Variants in PCDHGA10 observed in about 807,000 individuals in gnomAD.
The protein encoded by PCDHGA10 is protocadherin gamma-A10.
A neutral mutation model predicts 59.5 loss-of-function variants in PCDHGA10; 42 were observed. The ratio of observed to expected loss-of-function variants is 0.71; its 90% confidence interval spans 0.55 to 0.91. The LOEUF is 0.91. PCDHGA10 is among the 40% of genes least tolerant of loss of function. PCDHGA10 has a pLI of 0.00. For missense variants in PCDHGA10, 1,111 were observed against 1,198.2 expected (o/e 0.93, Z 1.07); for synonymous variants, 511 against 517.2 (o/e 0.99, Z 0.16).
intron 1 of PCDHGA10, chr5:141,423,556 G>A (rs926962652): frequency 2.5e-6 from 4 of 1,613,550 alleles, no homozygotes; most frequent in African/African-American, 2.7e-5. Flanking sequence ...GCCCAACTAT[G>A]GGGACACGCT....
chr5:141,428,341 C>T, intron 1 of PCDHGA10: 1 of 602,086 alleles, frequency 1.7e-6, no homozygotes, highest in Non-Finnish European at 3.0e-6. Flanking sequence ...GCTCTTCTTC[C>T]TCGCAGTGAT....
intron 1 of PCDHGA10, among the ~76,000 whole-genome samples, chr5:141,438,633 T>C (rs1222106413): frequency 2.9e-5 from 1 of 34,046 alleles, no homozygotes; most frequent in Non-Finnish European, 5.1e-5. Context: ...TATATATATA[T>C]ATACACACAC....
chr5:141,494,194 G>A (rs1446357035), intron 1 of PCDHGA10, among the ~76,000 whole-genome samples: 2 of 152,182 alleles, frequency 1.3e-5, no homozygotes, highest in Non-Finnish European at 2.9e-5. Flanking sequence ...GGACTTGGAT[G>A]CCCCGCAAAG....
intron 2 of PCDHGA10, among the ~76,000 whole-genome samples, chr5:141,502,719 C>G (rs1242423173): frequency 1.3e-5 from 2 of 152,190 alleles, no homozygotes; most frequent in Non-Finnish European, 2.9e-5. Flanking sequence ...TCAGTGATTA[C>G]AAAGCGGTGA....
At chr5:141,427,570 C>A in intron 1 of PCDHGA10, 1 of 662,270 alleles carries the variant, frequency 1.5e-6, no homozygotes, top group Non-Finnish European at 2.8e-6. Flanking sequence ...GGCAAGCCTC[C>A]GCTCTCATCC....
At position 141,491,613 on chromosome 5, in the gene PCDHGA10, A is replaced by AC; in HGVS notation, c.2437-3190dup. On this transcript the variant is annotated intron_variant, in intron 1 of 3. Coordinates refer to ENST00000398610, the MANE Select transcript of PCDHGA10 (RefSeq NM_018913.3). The surrounding 1 kb of genome is among the most constrained non-coding windows in gnomAD (Gnocchi z 6.9). Reference sequence around the variant, plus strand: ...ACGGCAGTGACTTCACTTTTCTAAGACCCCTCAGCGTTCAGCAGCCCACAG... The same window carrying AC: ...ACGGCAGTGACTTCACTTTTCTAAGACCCCCTCAGCGTTCAGCAGCCCACAG... 6.2e-7 allele frequency: 1 copy of AC among 1,613,568 alleles called. No homozygotes were observed. Among genetic ancestry groups the AC allele is most frequent in the Non-Finnish European group, 8.5e-7 (1 of 1,179,968 alleles).
intron 1 of PCDHGA10, among the ~76,000 whole-genome samples, chr5:141,446,610 G>A (rs1167777615): frequency 6.6e-6 from 1 of 152,098 alleles, no homozygotes; most frequent in Non-Finnish European, 1.5e-5. Flanking sequence ...CTGAGTAGCT[G>A]GGACTACAGG....
intron 1 of PCDHGA10, chr5:141,427,834 C>A: frequency 6.5e-7 from 1 of 1,542,566 alleles, no homozygotes; most frequent in Non-Finnish European, 8.9e-7. Flanking sequence ...GCGCAGCGTG[C>A]CTTCGACCAC....
rs748803155 is a variant in PCDHGA10, at chr5:141,490,087, G to A, written c.2437-4720G>A. On this transcript the variant is annotated intron_variant, in intron 1 of 3. Coordinates refer to ENST00000398610, the MANE Select transcript of PCDHGA10 (RefSeq NM_018913.3). The surrounding 1 kb of genome is among the most constrained non-coding windows in gnomAD (Gnocchi z 5.4). ...CGGCCAACTAGACTATTCTTTTGGA[G>A]ACCACACATCTGAGGCAGTGCGGAA... 2.5e-6 allele frequency: 4 copies of A among 1,614,244 alleles called. No homozygotes were observed. The highest frequency in any genetic ancestry group is 1.3e-5 in the African/African-American group (1 of 75,068).
chr5:141,422,447 C>G, intron 1 of PCDHGA10: 2 of 1,610,922 alleles, frequency 1.2e-6, no homozygotes, highest in Non-Finnish European at 1.7e-6. Flanking sequence ...AAATTGATAA[C>G]AAGCAGAGTG....
At chr5:141,495,697 A>G (rs1010733016) in intron 2 of PCDHGA10, among the ~76,000 whole-genome samples, 1 of 152,086 alleles carries the variant, frequency 6.6e-6, no homozygotes, top group Non-Finnish European at 1.5e-5. Flanking sequence ...AGTGCTCAAT[A>G]AATGTGGAGT....
chr5:141,482,160 T>G (rs577572891), intron 1 of PCDHGA10, among the ~76,000 whole-genome samples: 1 of 151,854 alleles, frequency 6.6e-6, no homozygotes, highest in Admixed American at 6.6e-5. Context: ...GTCAAAGATA[T>G]GTAAGATTAA....
At chr5:141,419,792 G>T (rs1379811891) in intron 1 of PCDHGA10, 15 of 1,613,924 alleles carry the variant, frequency 9.3e-6, no homozygotes, top group African/African-American at 2.7e-5. Flanking sequence ...CCTGCTAGTC[G>T]CTGTAAGAGA....
At chr5:141,505,336 G>T in intron 2 of PCDHGA10, 57 bp from the exon 3 acceptor site, 2 of 1,611,372 alleles carry the variant, frequency 1.2e-6, no homozygotes, top group Non-Finnish European at 1.7e-6. Context: ...GAGGACAGGA[G>T]GGGCATGAGC....
chr5:141,428,204 C>G, intron 1 of PCDHGA10: 2 of 1,324,722 alleles, frequency 1.5e-6, no homozygotes, highest in Non-Finnish European at 1.1e-6. Context: ...TGCGCCGCTA[C>G]GCTTCACCTA....
chr5:141,484,959 C>A, intron 1 of PCDHGA10: 2 of 575,576 alleles, frequency 3.5e-6, no homozygotes, highest in Non-Finnish European at 6.2e-6. Flanking sequence ...ATTGGCTGAG[C>A]CCGGGAGCCG....
chr5:141,469,992 G>T (rs894673835), intron 1 of PCDHGA10, among the ~76,000 whole-genome samples: 2 of 152,056 alleles, frequency 1.3e-5, no homozygotes, highest in Non-Finnish European at 2.9e-5. Context: ...TTAGCTGGTC[G>T]TCGTGGCACG....
intron 1 of PCDHGA10, among the ~76,000 whole-genome samples, chr5:141,433,837 C>CAAAAAAAA (rs56191208): frequency 1.9e-4 from 21 of 111,692 alleles, no homozygotes; most frequent in Admixed American, 5.9e-4. Context: ...AACTCTATCT[C>CAAAAAAAA]AAAAAAAAAA....
intron 1 of PCDHGA10, among the ~76,000 whole-genome samples, chr5:141,447,863 A>G (rs553375129): frequency 6.6e-6 from 1 of 152,254 alleles, no homozygotes; most frequent in East Asian, 1.9e-4. Flanking sequence ...AGGTGGGTGA[A>G]TCATCTGAGG....
Sources: allele counts gnomAD v4.1 joint callset (sites outside exome capture counted in the v4.1 genomes callset), GRCh38; gene constraint gnomAD v4.1.1; non-coding constraint Gnocchi (gnomAD v3.1); transcripts MANE v1.5; gene names NCBI Gene and HGNC (gene_info 2026-07-23, HGNC 2026-07-21).